The following GTF2IRD2 variants were observed in gnomAD, a reference collection of about 807,000 sequenced individuals.
GTF2IRD2 encodes the protein general transcription factor II-I repeat domain-containing protein 2A.
GTF2IRD2 carries 8 observed loss-of-function variants against 49.2 expected under a neutral mutation model. The observed-to-expected ratio is 0.16, with a 90% CI of 0.10 to 0.29. The LOEUF (loss-of-function observed/expected upper bound fraction) is 0.29. Among genes scored for constraint, GTF2IRD2 ranks in the 10% least tolerant of loss-of-function variants. The pLI, the probability that GTF2IRD2 is intolerant of heterozygous loss-of-function variation, is 1.00. For missense variants in GTF2IRD2, 130 were observed against 725.7 expected (o/e 0.18, Z 9.43); for synonymous variants, 47 against 289.7 (o/e 0.16, Z 8.51).
rs1800840957 is a variant in GTF2IRD2 at position 74,841,644 on chromosome 7, G to C, written c.-5-5261C>G. Among the ~76,000 whole-genome samples the C allele has an allele frequency of 1.4e-5, 2 of 142,446 alleles. 1 individual carries two copies. The highest frequency in any genetic ancestry group is 4.5e-4 in the South Asian group (2 of 4,410). 93.5% of individuals were successfully genotyped at this position (142,446 alleles called of 152,430 possible). A position where few individuals can be genotyped will look rare whatever the true frequency, so the allele number is the denominator to read the frequency against. Reference sequence around the variant, plus strand: ...CCTGGCTCAATCAACTACTTCCTATGAATGTTTCACTTCTGACCTTTTATG... The same window carrying C: ...CCTGGCTCAATCAACTACTTCCTATCAATGTTTCACTTCTGACCTTTTATG... On this transcript the variant is annotated intron_variant, in intron 1 of 15. Transcript: ENST00000451013.
intron 3 of GTF2IRD2, among the ~76,000 whole-genome samples, chr7:74,831,326 T>C (rs1443350617): frequency 6.6e-6 from 1 of 150,754 alleles, no homozygotes; most frequent in Non-Finnish European, 1.5e-5. Context: ...ATAATTCCTC[T>C]CTCTTATCTA....
At chr7:74,825,458 G>A (rs1799292005) in intron 3 of GTF2IRD2, among the ~76,000 whole-genome samples, 2 of 120,304 alleles carry the variant, frequency 1.7e-5, no homozygotes, top group East Asian at 4.7e-4. Flanking sequence ...TGTTGCCCAG[G>A]CTGGCCTCTA....
chr7:74,811,134 G>C (rs1798113928), intron 9 of GTF2IRD2, among the ~76,000 whole-genome samples, 182 bp from the exon 10 acceptor site: 1 of 115,128 alleles, frequency 8.7e-6, no homozygotes, highest in African/African-American at 2.6e-5. Flanking sequence ...TCTGGGAGGT[G>C]GAGGCGGGCA....
intron 2 of GTF2IRD2, among the ~76,000 whole-genome samples, chr7:74,834,267 G>T: frequency 8.8e-6 from 1 of 114,116 alleles, no homozygotes; most frequent in Non-Finnish European, 1.6e-5. Flanking sequence ...GTCTTGCCCT[G>T]TTGCCCAGGC....
chr7:74,811,390 AC>A (rs1443514550), intron 9 of GTF2IRD2, among the ~76,000 whole-genome samples: 2 of 128,788 alleles, frequency 1.6e-5, no homozygotes, highest in Admixed American at 8.5e-5. Flanking sequence ...AACAAAAAAA[AC>A]ATAAACCAAT....
intron 6 of GTF2IRD2, chr7:74,822,203 C>G: frequency 2.5e-6 from 1 of 396,606 alleles, no homozygotes; most frequent in South Asian, 2.1e-5. Context: ...CCCGCCACCA[C>G]GCCCGGCTAA....
rs1185718498 is a variant in GTF2IRD2 at position 74,839,145 on chromosome 7, C to A, written c.-5-2762G>T. On this transcript the variant is annotated intron_variant, in intron 1 of 15. Coordinates refer to ENST00000451013, the MANE Select transcript of GTF2IRD2 (RefSeq NM_173537.5). ...TCACTATGTTGCCCAGACTGGTCTC[C>A]AACTCCTGGGCTCAAGCGATCTTCC... 3.2e-4 allele frequency among the ~76,000 whole-genome samples: 9 copies of A among 28,542 alleles called. 4 individuals are homozygous for A. The highest frequency in any genetic ancestry group is 4.7e-4 in the African/African-American group (2 of 4,238). 18.7% of individuals were successfully genotyped at this position (28,542 alleles called of 152,430 possible).
Position 74,797,579 on chromosome 7 carries a change from C to G in GTF2IRD2, c.1933G>C (p.Gly645Arg), listed in dbSNP as rs782486751. 2 of 1,580,348 alleles carry G rather than the reference C, an allele frequency of 1.3e-6. No homozygotes were observed. Reference sequence around the variant, plus strand: ...CAACAGATGGACTTCAGTTCCGCACCCTTGCAGAACGTCGCCACCCTGGAC... The same window carrying G: ...CAACAGATGGACTTCAGTTCCGCACGCTTGCAGAACGTCGCCACCCTGGAC... ...LKSRVATFCK[G>R]AELKSICCII... Residue 645 changes from glycine to arginine, a missense_variant, in exon 16 of 16, where the codon GGT becomes CGT. Transcript: ENST00000451013.
At chr7:74,811,565 TGAGA>T (rs1409647626) in intron 9 of GTF2IRD2, among the ~76,000 whole-genome samples, 1 of 86,126 alleles carries the variant, frequency 1.2e-5, no homozygotes, top group Admixed American at 1.6e-4. Context: ...GTTGTTGTTT[TGAGA>T]GAGAGTCTCA....
chr7:74,811,910 A>G lies in GTF2IRD2; in HGVS notation c.748+829T>C, dbSNP rs1266994401. ...ACAAAGGTGGTGTGGTGTACTTCCT[A>G]CTGGATACCGTCAGGAGACCAGTGA... On this transcript the variant is annotated intron_variant, in intron 9 of 15. Coordinates refer to ENST00000451013, the MANE Select transcript of GTF2IRD2 (RefSeq NM_173537.5). Among the ~76,000 whole-genome samples, 3 of 33,448 alleles carry G rather than the reference A, an allele frequency of 9.0e-5. 1 individual carries two copies. Among genetic ancestry groups the G allele is most frequent in the Non-Finnish European group, 2.2e-4 (3 of 13,890 alleles). The allele number at this position is 33,448 out of a possible 152,430, so 21.9% of individuals were successfully genotyped here. A position where few individuals can be genotyped will look rare whatever the true frequency, so the allele number is the denominator to read the frequency against.
Position 74,842,619 on chromosome 7 carries a change from A to G in GTF2IRD2, c.-5-6236T>C, listed in dbSNP as rs79328404. ...GCAGTGCCATGATCATAGTTGGAGT[A>G]CAGTGGTGCAATCACTGTAGCCTTG... On this transcript the variant is annotated intron_variant, in intron 1 of 15. Transcript: ENST00000451013. 2.9e-3 allele frequency among the ~76,000 whole-genome samples: 419 copies of G among 145,158 alleles called. 21 individuals carry two copies. Among genetic ancestry groups the G allele is most frequent in the Non-Finnish European group, 5.0e-3 (334 of 66,804 alleles).
At chr7:74,826,822 G>A (rs2131740529) in intron 3 of GTF2IRD2, among the ~76,000 whole-genome samples, 1 of 130,578 alleles carries the variant, frequency 7.7e-6, no homozygotes, top group South Asian at 2.6e-4. Flanking sequence ...AGCAATTCTT[G>A]TGCCTCAGCC....
At chr7:74,816,921 T>TAGG (rs1353911528) in intron 8 of GTF2IRD2, among the ~76,000 whole-genome samples, 1 of 85,910 alleles carries the variant, frequency 1.2e-5, no homozygotes, top group African/African-American at 4.8e-5. Flanking sequence ...CCATCCACTG[T>TAGG]GTCCCTGGAC....
At chr7:74,831,337 T>C (rs1554420351) in intron 3 of GTF2IRD2, among the ~76,000 whole-genome samples, 1 of 149,588 alleles carries the variant, frequency 6.7e-6, no homozygotes, top group Admixed American at 6.7e-5. Context: ...CTCTTATCTA[T>C]CATCTATCCA....
chr7:74,815,858 GAAAGA>G (rs1247720935), intron 8 of GTF2IRD2, among the ~76,000 whole-genome samples: 4 of 104,676 alleles, frequency 3.8e-5, no homozygotes, highest in African/African-American at 1.6e-4. Flanking sequence ...AAGAAAGAAA[GAAAGA>G]AAGAGAAAAT....
At position 74,851,429 on chromosome 7, in the gene GTF2IRD2, G is replaced by A. The variant is rs1801580401; in HGVS notation, c.-68C>T. ...CCGAGGCCTGGGCCACCGGGGAGCAGCCGATGGCCGAGGGCGGCGGCCGAG... is the reference window on the plus strand; with the variant it reads ...CCGAGGCCTGGGCCACCGGGGAGCAACCGATGGCCGAGGGCGGCGGCCGAG... On this transcript the variant is annotated 5_prime_UTR_variant, in exon 1 of 16. Transcript: ENST00000451013. 2 of 46,212 alleles carry A rather than the reference G, an allele frequency of 4.3e-5. 1 individual carries two copies. The highest frequency in any genetic ancestry group is 1.3e-3 in the South Asian group (2 of 1,598). 2.9% of individuals were successfully genotyped at this position (46,212 alleles called of 1,614,324 possible).
Position 74,813,320 on chromosome 7 carries a change from A to C in GTF2IRD2, c.671-504T>G, listed in dbSNP as rs1388635237. Among the ~76,000 whole-genome samples, 24 of 32,144 alleles carry C rather than the reference A, an allele frequency of 7.5e-4. 6 individuals carry two copies. The highest frequency in any genetic ancestry group is 1.4e-3 in the Non-Finnish European group (19 of 13,180). The allele number at this position is 32,144 out of a possible 152,430, so 21.1% of individuals were successfully genotyped here. A position where few individuals can be genotyped will look rare whatever the true frequency, so the allele number is the denominator to read the frequency against. On this transcript the variant is annotated intron_variant, in intron 8 of 15. Coordinates refer to ENST00000451013, the MANE Select transcript of GTF2IRD2 (RefSeq NM_173537.5). ...CTTGAACCCAGGAGGTGGAGGTTGCAGTGAGCTGAGATCGAGCCACTGCAC... is the reference window on the plus strand; with the variant it reads ...CTTGAACCCAGGAGGTGGAGGTTGCCGTGAGCTGAGATCGAGCCACTGCAC...
chr7:74,822,554 G>A (rs1196979640), intron 5 of GTF2IRD2, 70 bp downstream of exon 5: 129 of 586,288 alleles, frequency 2.2e-4, no homozygotes, highest in Non-Finnish European at 3.1e-4. Flanking sequence ...GGATGCACGA[G>A]TGAATTAAAA....
chr7:74,829,687 C>G (rs1799661868), intron 3 of GTF2IRD2, among the ~76,000 whole-genome samples: 1 of 146,800 alleles, frequency 6.8e-6, no homozygotes, highest in Non-Finnish European at 1.5e-5. Flanking sequence ...CAAGACCATC[C>G]TGGCCAACAT....
Sources: gnomAD v4.1 joint callset for allele counts (sites outside exome capture counted in the v4.1 genomes callset) on GRCh38, gnomAD v4.1.1 for gene constraint, MANE v1.5 for transcripts, NCBI Gene and HGNC (gene_info 2026-07-23, HGNC 2026-07-21) for gene names.